The following PIGU variants were observed in gnomAD, a reference collection of about 807,000 sequenced individuals.
PIGU encodes phosphatidylinositol glycan anchor biosynthesis class U, also known as GPI-anchor transamidase component PIGU.
A neutral mutation model predicts 49.9 loss-of-function variants in PIGU; 24 were observed. The ratio of observed to expected loss-of-function variants is 0.48; its 90% CI spans 0.35 to 0.68. The LOEUF (loss-of-function observed/expected upper bound fraction) is 0.68. Among genes scored for constraint, PIGU ranks in the 30% least tolerant of loss-of-function variants. The pLI, the probability that PIGU is intolerant of heterozygous loss-of-function variation, is 0.01. For synonymous variants in PIGU, 220 were observed against 205.7 expected, an observed-to-expected ratio of 1.07 and a Z score of -0.59; for missense variants, 490 against 532.6, an observed-to-expected ratio of 0.92 and a Z score of 0.79.
chr20:34,611,648 G>GAAAAAAAAAAAAAAAAAAACAA (rs146531122), intron 7 of PIGU, among the ~76,000 whole-genome samples: 1 of 65,010 alleles, frequency 1.5e-5, no homozygotes, highest in Non-Finnish European at 3.0e-5. Flanking sequence ...TCAAGTCTCA[G>GAAAAAAAAAAAAAAAAAAACAA]AAAAAAAAAA....
At chr20:34,565,116 C>T (rs1016454578) in intron 11 of PIGU, among the ~76,000 whole-genome samples, 3 of 152,284 alleles carry the variant, frequency 2.0e-5, no homozygotes, top group South Asian at 2.1e-4. Flanking sequence ...TGGACAGGGG[C>T]GAGTTGGGCA....
At chr20:34,631,785 ATTTTTTT>A (rs1166878990) in intron 6 of PIGU, among the ~76,000 whole-genome samples, 7 of 6,440 alleles carry the variant, frequency 1.1e-3, no homozygotes, top group African/African-American at 3.8e-3. Flanking sequence ...ATATATATAT[ATTTTTTT>A]TTTTTTTTTT....
chr20:34,623,448 G>C lies in PIGU; in HGVS notation c.530-7309C>G, dbSNP rs547723793. 1.8e-4 allele frequency among the ~76,000 whole-genome samples: 28 copies of C among 152,290 alleles called. No homozygotes were observed. The South Asian group carries it at 5.6e-3, about 30-fold the overall frequency. On this transcript the variant is annotated intron_variant, in intron 6 of 11. Coordinates refer to ENST00000217446, the MANE Select transcript of PIGU (RefSeq NM_080476.5). ...ACTGTAAGCACTTTACTTGCCTTAA[G>C]CCATTTAGTCTTCTCAATAATTCCA...
At chr20:34,673,783 G>T (rs1349186582) in intron 1 of PIGU, among the ~76,000 whole-genome samples, 1 of 152,198 alleles carries the variant, frequency 6.6e-6, no homozygotes, top group Non-Finnish European at 1.5e-5. Flanking sequence ...GGCCGGGCGT[G>T]GTGGCTCACG....
At chr20:34,579,907 C>A (rs541434932) in intron 10 of PIGU, among the ~76,000 whole-genome samples, 1 of 152,218 alleles carries the variant, frequency 6.6e-6, no homozygotes, top group Non-Finnish European at 1.5e-5. Flanking sequence ...TTATTACTCA[C>A]GATACTAACT....
intron 2 of PIGU, among the ~76,000 whole-genome samples, chr20:34,650,700 C>CTTGTTTTTT (rs1986509881): frequency 2.6e-5 from 1 of 38,778 alleles, no homozygotes; most frequent in Non-Finnish European, 4.4e-5. Context: ...CTTTTTTTCT[C>CTTGTTTTTT]TTTTTTTTTT....
At chr20:34,590,547 G>A (rs561578627) in intron 7 of PIGU, among the ~76,000 whole-genome samples, 8 of 151,176 alleles carry the variant, frequency 5.3e-5, no homozygotes, top group East Asian at 2.0e-4. Context: ...GCAACAGAGC[G>A]AGACTCTGTC....
chr20:34,594,259 CA>C (rs1327732209), intron 7 of PIGU, among the ~76,000 whole-genome samples: 5 of 152,168 alleles, frequency 3.3e-5, no homozygotes, highest in African/African-American at 1.2e-4. Context: ...ATACCTCCAA[CA>C]ATATGAAAAT....
chr20:34,647,120 A>G (rs1986374064), intron 2 of PIGU, among the ~76,000 whole-genome samples: 1 of 152,160 alleles, frequency 6.6e-6, no homozygotes, highest in Non-Finnish European at 1.5e-5. Flanking sequence ...CTCCTGCCTC[A>G]GCCACCACGC....
chr20:34,659,708 G>C (rs1986870673), intron 1 of PIGU, among the ~76,000 whole-genome samples: 1 of 152,234 alleles, frequency 6.6e-6, no homozygotes, highest in Admixed American at 6.5e-5. Flanking sequence ...TCTGTACTAA[G>C]AAAAATTATT....
chr20:34,633,979 G>A (rs1381313010), intron 6 of PIGU, among the ~76,000 whole-genome samples: 2 of 152,188 alleles, frequency 1.3e-5, no homozygotes, highest in Non-Finnish European at 2.9e-5. Flanking sequence ...TGGAATACTA[G>A]CAAAAGCCAG....
Position 34,575,314 on chromosome 20 carries a change from C to A in PIGU, c.1052-68G>T, listed in dbSNP as rs536613908. On this transcript the variant is annotated intron_variant, in intron 10 of 11. Transcript: ENST00000217446. ...TGGCATGCTTTCCCTGCTGCAATGGCCCCCCTGAATGGAGAGGCCCAAGGT... is the reference window on the plus strand; with the variant it reads ...TGGCATGCTTTCCCTGCTGCAATGGACCCCCTGAATGGAGAGGCCCAAGGT... 20 of 1,554,432 alleles carry A rather than the reference C, an allele frequency of 1.3e-5. 1 individual carries two copies. The South Asian group carries it at 1.8e-4, about 14-fold the overall frequency.
At chr20:34,592,890 G>A (rs1984049269) in intron 7 of PIGU, among the ~76,000 whole-genome samples, 1 of 150,958 alleles carries the variant, frequency 6.6e-6, no homozygotes, top group African/African-American at 2.4e-5. Context: ...GTAATTCAAG[G>A]GAAAAAAGAA....
At chr20:34,606,819 TG>T (rs1466255635) in intron 7 of PIGU, among the ~76,000 whole-genome samples, 1 of 152,238 alleles carries the variant, frequency 6.6e-6, no homozygotes, top group African/African-American at 2.4e-5. Context: ...TGGAGTGCAC[TG>T]GTGTGATCTC....
At chr20:34,650,429 CCCAG>C (rs1487454193) in intron 2 of PIGU, among the ~76,000 whole-genome samples, 2 of 151,748 alleles carry the variant, frequency 1.3e-5, no homozygotes, top group Non-Finnish European at 2.9e-5. Flanking sequence ...CACCACCACA[CCCAG>C]CTAGTTTTTG....
intron 7 of PIGU, among the ~76,000 whole-genome samples, chr20:34,611,050 T>C (rs1037094588): frequency 1.3e-5 from 2 of 152,178 alleles, no homozygotes; most frequent in Non-Finnish European, 2.9e-5. Flanking sequence ...TATACAAAAA[T>C]TAACTCCAGA....
At chr20:34,602,428 C>T (rs1984460562) in intron 7 of PIGU, among the ~76,000 whole-genome samples, 1 of 151,532 alleles carries the variant, frequency 6.6e-6, no homozygotes, top group Non-Finnish European at 1.5e-5. Flanking sequence ...GAATCCCTGT[C>T]TCTACTAAAA....
At chr20:34,641,412 TTTATCATCCA>T (rs1279466434) in intron 4 of PIGU, among the ~76,000 whole-genome samples, 1 of 152,174 alleles carries the variant, frequency 6.6e-6, no homozygotes, top group African/African-American at 2.4e-5. Flanking sequence ...GACACAGGTT[TTTATCATCCA>T]TTATCAAACC....
At chr20:34,585,835 T>C (rs1983678673) in intron 8 of PIGU, among the ~76,000 whole-genome samples, 1 of 152,172 alleles carries the variant, frequency 6.6e-6, no homozygotes, top group Non-Finnish European at 1.5e-5. Flanking sequence ...CAGGGATTCA[T>C]CCTAGGAATA....
Sources: gnomAD v4.1 joint callset for allele counts (sites outside exome capture counted in the v4.1 genomes callset) on GRCh38, gnomAD v4.1.1 for gene constraint, MANE v1.5 for transcripts, NCBI Gene and HGNC (gene_info 2026-07-23, HGNC 2026-07-21) for gene names.